The following MGAT4C variants were observed in gnomAD, a reference collection of about 807,000 sequenced individuals.
MGAT4C encodes the protein MGAT4 family member C.
Under a neutral mutation model 40.1 loss-of-function variants are expected in MGAT4C, and 19 were observed. The ratio of observed to expected loss-of-function variants is 0.47; its 90% confidence interval spans 0.33 to 0.70. MGAT4C has a LOEUF of 0.70. MGAT4C is among the 30% of genes least tolerant of loss of function. The pLI, the probability that MGAT4C is intolerant of heterozygous loss-of-function variation, is 0.02. For synonymous variants in MGAT4C, 181 were observed against 187.1 expected, an observed-to-expected ratio of 0.97 and a Z score of 0.27; for missense variants, 491 against 563.2, an observed-to-expected ratio of 0.87 and a Z score of 1.30.
intron 1 of MGAT4C, among the ~76,000 whole-genome samples, chr12:86,140,658 A>T (rs1024146920): frequency 6.6e-6 from 1 of 152,160 alleles, no homozygotes; most frequent in Admixed American, 6.6e-5. Context: ...TATAATAAAA[A>T]TAAAATAAAA....
chr12:86,780,956 A>G (rs1292347020), intron 1 of MGAT4C, among the ~76,000 whole-genome samples: 2 of 151,962 alleles, frequency 1.3e-5, no homozygotes, highest in Non-Finnish European at 2.9e-5. Context: ...AATGGCCTCC[A>G]ATTCCATTCA....
chr12:86,569,083 T>G (rs992249322), intron 2 of MGAT4C, among the ~76,000 whole-genome samples: 5 of 151,952 alleles, frequency 3.3e-5, no homozygotes, highest in African/African-American at 1.2e-4. Flanking sequence ...GTTTGTGAAT[T>G]AGAAGAATAT....
chr12:86,766,517 C>G (rs1229518771), intron 1 of MGAT4C, among the ~76,000 whole-genome samples: 1 of 151,996 alleles, frequency 6.6e-6, no homozygotes, highest in Non-Finnish European at 1.5e-5. Flanking sequence ...ACCAAGCAGA[C>G]CTAATAGACA....
chr12:86,714,393 T>G (rs779038162), intron 2 of MGAT4C, among the ~76,000 whole-genome samples: 2 of 152,102 alleles, frequency 1.3e-5, no homozygotes, highest in African/African-American at 2.4e-5. Flanking sequence ...ATTGTTTGGC[T>G]GTGTCCCCAC....
intron 1 of MGAT4C, among the ~76,000 whole-genome samples, chr12:86,808,123 A>G (rs887776628): frequency 6.6e-6 from 1 of 152,116 alleles, no homozygotes; most frequent in African/African-American, 2.4e-5. Flanking sequence ...AAGTTTTGAA[A>G]TTGAGGCAGT....
chr12:86,637,788 G>A (rs1181015333), intron 2 of MGAT4C, among the ~76,000 whole-genome samples: 1 of 151,772 alleles, frequency 6.6e-6, no homozygotes, highest in African/African-American at 2.4e-5. Flanking sequence ...TCCTTCTTCA[G>A]GAGAAGACAG....
rs1883108426 is a variant in MGAT4C, at chr12:85,961,481, TAA to T, written c.*17806_*17807del. The T allele has an allele frequency of 6.6e-6, 1 of 151,656 alleles. No homozygotes were observed. The highest frequency in any genetic ancestry group is 6.6e-5 in the Admixed American group (1 of 15,198). 9.4% of individuals were successfully genotyped at this position (151,656 alleles called of 1,614,324 possible). A position where few individuals can be genotyped will look rare whatever the true frequency, so the allele number is the denominator to read the frequency against. On this transcript the variant is annotated 3_prime_UTR_variant, in exon 5 of 5. Coordinates refer to ENST00000611864, the MANE Select transcript of MGAT4C (RefSeq NM_001351288.2). ...TAATCAAGATAATTATGTATATATA[TAA>T]AATTATATATGGTATAGTTTCAACT... is the stretch of plus-strand genomic sequence containing the variant.
At chr12:86,007,153 A>C (rs1239904028) in intron 2 of MGAT4C, among the ~76,000 whole-genome samples, 1 of 152,164 alleles carries the variant, frequency 6.6e-6, no homozygotes, top group Non-Finnish European at 1.5e-5. Flanking sequence ...AACTGTGTTC[A>C]ATGAATGGTT....
chr12:86,444,739 T>C (rs1434334005), intron 2 of MGAT4C, among the ~76,000 whole-genome samples: 1 of 152,218 alleles, frequency 6.6e-6, no homozygotes, highest in Non-Finnish European at 1.5e-5. Flanking sequence ...CCATAGTAAC[T>C]ATTTCTGAGG....
intron 1 of MGAT4C, among the ~76,000 whole-genome samples, chr12:86,731,907 CAGCACTAGAAGTCA>C (rs1950916375): frequency 6.6e-6 from 1 of 152,066 alleles, no homozygotes; most frequent in South Asian, 2.1e-4. Flanking sequence ...CCCCTTCATT[CAGCACTAGAAGTCA>C]AGATAGGTAT....
At chr12:86,670,054 G>GA (rs140213435) in intron 2 of MGAT4C, among the ~76,000 whole-genome samples, 19,541 of 149,478 alleles carry the variant, frequency 0.13, 1,936 homozygotes, top group African/African-American at 0.28. Flanking sequence ...AAAAGAAAAA[G>GA]AAAAAAAAAC....
At chr12:86,785,579 A>G (rs1232894759) in intron 1 of MGAT4C, among the ~76,000 whole-genome samples, 1 of 151,938 alleles carries the variant, frequency 6.6e-6, no homozygotes, top group Non-Finnish European at 1.5e-5. Context: ...TTTATGTTTT[A>G]GTAAAAATAT....
At chr12:86,002,582 C>A (rs1399624776) in intron 2 of MGAT4C, 1 of 150,800 alleles carries the variant, frequency 6.6e-6, no homozygotes, top group Non-Finnish European at 1.5e-5. Context: ...GTATACATTA[C>A]ATTTATATAC....
At chr12:86,439,420 C>G (rs535860865) in intron 2 of MGAT4C, among the ~76,000 whole-genome samples, 5 of 151,894 alleles carry the variant, frequency 3.3e-5, no homozygotes, top group Non-Finnish European at 7.4e-5. Context: ...AAAAACTATT[C>G]AAAATGAATG....
At chr12:86,516,291 C>T (rs1958686802) in intron 2 of MGAT4C, among the ~76,000 whole-genome samples, 3 of 152,028 alleles carry the variant, frequency 2.0e-5, no homozygotes, top group South Asian at 4.2e-4. Flanking sequence ...AAGTATAAAT[C>T]CTTGAACTTA....
chr12:86,729,900 A>T (rs1311461761), intron 1 of MGAT4C, among the ~76,000 whole-genome samples: 5 of 152,132 alleles, frequency 3.3e-5, no homozygotes, highest in Admixed American at 3.3e-4. Flanking sequence ...GCACCATCAG[A>T]AATAACATGC....
chr12:86,444,068 C>G (rs1156328654), intron 2 of MGAT4C, among the ~76,000 whole-genome samples: 1 of 152,130 alleles, frequency 6.6e-6, no homozygotes. Flanking sequence ...TCTCTAGTAA[C>G]CATATTTCTA....
chr12:86,380,179 C>T (rs1158992075), intron 3 of MGAT4C, among the ~76,000 whole-genome samples: 1 of 151,998 alleles, frequency 6.6e-6, no homozygotes, highest in African/African-American at 2.4e-5. Flanking sequence ...ACTTGATCTA[C>T]ATCACAATAC....
chr12:86,001,524 A>T, intron 2 of MGAT4C: 4 of 568,862 alleles, frequency 7.0e-6, no homozygotes, highest in Non-Finnish European at 8.9e-6. Flanking sequence ...CTTCTGGTTG[A>T]TTGATGGATG....
Sources: allele counts gnomAD v4.1 joint callset (sites outside exome capture counted in the v4.1 genomes callset), GRCh38; gene constraint gnomAD v4.1.1; transcripts MANE v1.5; gene names NCBI Gene and HGNC (gene_info 2026-07-23, HGNC 2026-07-21).